Variants in ACYP2 observed in about 807,000 individuals in gnomAD.
ACYP2 encodes the protein acylphosphatase 2, also known as acylphosphatase-2.
ACYP2 carries 12 observed loss-of-function variants against 11.2 expected under a neutral mutation model. The ratio of observed to expected loss-of-function variants is 1.08; its 90% CI spans 0.69 to 1.74. The LOEUF is 1.74. Among genes scored for constraint, ACYP2 ranks in the 40% most tolerant of loss-of-function variants. ACYP2 has a pLI of 0.00. For missense variants in ACYP2, 134 were observed against 101.9 expected (o/e 1.31, Z -1.35); for synonymous variants, 43 against 32.2 (o/e 1.33, Z -1.13).
At chr2:54,291,848 T>G (rs1689320944) in intron 6 of ACYP2, among the ~76,000 whole-genome samples, 1 of 152,158 alleles carries the variant, frequency 6.6e-6, no homozygotes, top group African/African-American at 2.4e-5. Flanking sequence ...AGGCTTGAAA[T>G]TGGGTCATAG....
intron 6 of ACYP2, among the ~76,000 whole-genome samples, chr2:54,237,124 A>G (rs962461525): frequency 1.3e-5 from 2 of 152,212 alleles, no homozygotes; most frequent in Non-Finnish European, 2.9e-5. Flanking sequence ...ACATGGGAAT[A>G]CATTATATGC....
intron 6 of ACYP2, among the ~76,000 whole-genome samples, chr2:54,178,735 C>A (rs1445147465): frequency 1.3e-5 from 2 of 152,094 alleles, no homozygotes; most frequent in African/African-American, 2.4e-5. Context: ...GTTTGATCAC[C>A]ATGTAACTTG....
intron 6 of ACYP2, among the ~76,000 whole-genome samples, chr2:54,280,087 A>G (rs1048031374): frequency 1.3e-5 from 2 of 152,194 alleles, no homozygotes; most frequent in Non-Finnish European, 1.5e-5. Context: ...ACCAAACACC[A>G]TGATAGGAAA....
At chr2:54,249,604 T>G (rs187072146) in intron 6 of ACYP2, among the ~76,000 whole-genome samples, 1 of 152,052 alleles carries the variant, frequency 6.6e-6, no homozygotes, top group Admixed American at 6.6e-5. Flanking sequence ...AAGGGGTAGG[T>G]AAATCTTCAT....
At chr2:54,174,015 A>G (rs1335383799) in intron 6 of ACYP2, among the ~76,000 whole-genome samples, 6 of 151,976 alleles carry the variant, frequency 3.9e-5, no homozygotes, top group African/African-American at 7.2e-5. Flanking sequence ...GGCAATGCGG[A>G]CTCTTTTTTG....
At chr2:54,288,846 G>T (rs571794702) in intron 6 of ACYP2, among the ~76,000 whole-genome samples, 1 of 152,058 alleles carries the variant, frequency 6.6e-6, no homozygotes, top group South Asian at 2.1e-4. Context: ...GGCCTTATCT[G>T]GATGATTGCC....
intron 6 of ACYP2, among the ~76,000 whole-genome samples, chr2:54,256,514 C>T (rs1046854536): frequency 6.6e-6 from 1 of 152,114 alleles, no homozygotes; most frequent in Non-Finnish European, 1.5e-5. Flanking sequence ...ACTGGGCTGA[C>T]GTTATTTTTC....
intron 4 of ACYP2, among the ~76,000 whole-genome samples, chr2:54,097,141 A>C (rs1572745291): frequency 6.6e-6 from 1 of 152,198 alleles, no homozygotes; most frequent in Non-Finnish European, 1.5e-5. Context: ...TTCCAAGGTT[A>C]CCTTTTTCAA....
intron 4 of ACYP2, among the ~76,000 whole-genome samples, chr2:54,096,157 G>T (rs1052492345): frequency 6.8e-6 from 1 of 146,682 alleles, no homozygotes; most frequent in Non-Finnish European, 1.5e-5. Flanking sequence ...CTTCTCGGAC[G>T]GGGCGGCTGC....
intron 4 of ACYP2, among the ~76,000 whole-genome samples, chr2:54,078,409 A>C (rs1677459191): frequency 1.2e-5 from 1 of 80,686 alleles, no homozygotes; most frequent in South Asian, 4.6e-4. Flanking sequence ...ATATATGCGT[A>C]CCATATATGG....
chr2:54,046,433 T>G (rs1380563467), intron 2 of ACYP2, among the ~76,000 whole-genome samples: 1 of 141,486 alleles, frequency 7.1e-6, no homozygotes, highest in Non-Finnish European at 1.5e-5. Flanking sequence ...GAACCTGCAG[T>G]GAACTGCAGT....
intron 6 of ACYP2, among the ~76,000 whole-genome samples, chr2:54,194,226 G>C (rs1041040727): frequency 6.6e-6 from 1 of 152,088 alleles, no homozygotes; most frequent in Non-Finnish European, 1.5e-5. Flanking sequence ...TTTTAGTAGA[G>C]ATGGGGTTTC....
intron 2 of ACYP2, among the ~76,000 whole-genome samples, chr2:53,976,482 C>T (rs1416280352): frequency 6.6e-6 from 1 of 152,196 alleles, no homozygotes; most frequent in Non-Finnish European, 1.5e-5. Context: ...GCTGGGATTA[C>T]AGGGGTTAGC....
chr2:54,163,384 G>T (rs1313957591), intron 6 of ACYP2, among the ~76,000 whole-genome samples: 1 of 152,162 alleles, frequency 6.6e-6, no homozygotes, highest in African/African-American at 2.4e-5. Flanking sequence ...AGAGGGTATT[G>T]TTTGCCAGGA....
At chr2:54,215,785 A>T (rs1423018765) in intron 6 of ACYP2, among the ~76,000 whole-genome samples, 1 of 152,242 alleles carries the variant, frequency 6.6e-6, no homozygotes, top group Non-Finnish European at 1.5e-5. Flanking sequence ...GCTGCAAGAC[A>T]TTCCATTGTA....
intron 6 of ACYP2, among the ~76,000 whole-genome samples, chr2:54,187,326 C>T (rs573068155): frequency 3.3e-5 from 5 of 152,276 alleles, no homozygotes; most frequent in African/African-American, 1.2e-4. Context: ...TGGTGGCAGG[C>T]CTTGGGGAAC....
intron 2 of ACYP2, among the ~76,000 whole-genome samples, chr2:54,017,405 C>G (rs1431826866): frequency 6.6e-6 from 1 of 151,622 alleles, no homozygotes; most frequent in Non-Finnish European, 1.5e-5. Context: ...TAGGTGTGAA[C>G]CACCACGCCT....
intron 4 of ACYP2, among the ~76,000 whole-genome samples, chr2:54,086,487 T>A (rs1234899438): frequency 1.3e-5 from 2 of 152,222 alleles, no homozygotes; most frequent in African/African-American, 4.8e-5. Context: ...TAGTTAAGCA[T>A]AAAATATTCT....
chr2:54,028,705 T>C (rs892996101), intron 2 of ACYP2, among the ~76,000 whole-genome samples: 2 of 152,140 alleles, frequency 1.3e-5, no homozygotes, highest in African/African-American at 4.8e-5. Context: ...CCCATTGAAT[T>C]CCCCTAAATA....
Sources: allele counts gnomAD v4.1 joint callset (sites outside exome capture counted in the v4.1 genomes callset), GRCh38; gene constraint gnomAD v4.1.1; transcripts MANE v1.5; gene names NCBI Gene and HGNC (gene_info 2026-07-23, HGNC 2026-07-21).